The following CARS2 variants were observed in gnomAD, a reference collection of about 807,000 sequenced individuals.
The protein encoded by CARS2 is cysteinyl-tRNA synthetase 2, mitochondrial, also known as probable cysteine--tRNA ligase, mitochondrial.
Under a neutral mutation model 68.8 loss-of-function variants are expected in CARS2, and 52 were observed. The observed-to-expected ratio is 0.76, with a 90% CI of 0.61 to 0.95. CARS2 has a LOEUF of 0.95. Ranked by LOEUF, CARS2 falls within the 40% of genes least tolerant of loss-of-function variation. The pLI is 0.00. For missense variants in CARS2, 780 were observed against 754.2 expected (o/e 1.03, Z -0.40); for synonymous variants, 314 against 303.6 (o/e 1.03, Z -0.36).
At position 110,641,479 on chromosome 13, in the gene CARS2, G is replaced by C; in HGVS notation, c.*58C>G. The C allele has an allele frequency of 7.3e-7, 1 of 1,372,308 alleles. No homozygotes were observed. Among genetic ancestry groups the C allele is most frequent in the Non-Finnish European group, 1.0e-6 (1 of 959,126 alleles). The allele number at this position is 1,372,308 out of a possible 1,614,324, so 85.0% of individuals were successfully genotyped here. Reference sequence around the variant, plus strand: ...ACAGGAAGCTTTAACATAAAGCCTTGACCCTGAGAAGCATGGGTGCGTCTT... The same window carrying C: ...ACAGGAAGCTTTAACATAAAGCCTTCACCCTGAGAAGCATGGGTGCGTCTT... On this transcript the variant is annotated 3_prime_UTR_variant, in exon 15 of 15. Transcript: ENST00000257347.
intron 9 of CARS2, among the ~76,000 whole-genome samples, chr13:110,659,324 A>G (rs899892194): frequency 6.6e-6 from 1 of 152,160 alleles, no homozygotes; most frequent in East Asian, 1.9e-4. Flanking sequence ...TTCCTTGTAA[A>G]CAAAGCTCCC....
intron 13 of CARS2, 62 bp downstream of exon 13, chr13:110,644,323 A>C: frequency 1.3e-6 from 2 of 1,500,878 alleles, no homozygotes; most frequent in Non-Finnish European, 1.9e-6. Flanking sequence ...TAAAAGGGTA[A>C]AGGTTATTGT....
chr13:110,686,808 T>C (rs2063315729), intron 5 of CARS2, among the ~76,000 whole-genome samples: 1 of 152,034 alleles, frequency 6.6e-6, no homozygotes, highest in Non-Finnish European at 1.5e-5. Flanking sequence ...TCCACCCGCT[T>C]CCACCTCCCA....
At chr13:110,707,832 CTAGAG>C (rs1432615779), upstream of CARS2, among the ~76,000 whole-genome samples, 49 of 152,272 alleles carry the variant, frequency 3.2e-4, no homozygotes, top group African/African-American at 1.1e-3. Context: ...AAGTGTGTAC[CTAGAG>C]TAGTTTCTCA....
chr13:110,687,884 C>A, intron 4 of CARS2, 58 bp from the exon 5 acceptor site: 1 of 1,557,978 alleles, frequency 6.4e-7, no homozygotes, highest in Non-Finnish European at 8.8e-7. Flanking sequence ...GGTCAGCCAG[C>A]ACCAGCTGTC....
At chr13:110,683,178 A>G (rs781157612) in intron 5 of CARS2, 44 bp from the exon 6 acceptor site, 22 of 1,322,972 alleles carry the variant, frequency 1.7e-5, no homozygotes, top group Non-Finnish European at 2.2e-5. Flanking sequence ...CTCAGTCTGA[A>G]TATCAGCATA....
intron 1 of CARS2, chr13:110,712,948 G>C: frequency 6.4e-7 from 1 of 1,559,472 alleles, no homozygotes; most frequent in Non-Finnish European, 8.7e-7. Context: ...CGCCTAGGCT[G>C]CTGGGAGTGG....
chr13:110,689,042 C>G (rs2063384167), intron 3 of CARS2: 1 of 154,232 alleles, frequency 6.5e-6, no homozygotes, highest in Non-Finnish European at 1.5e-5. Context: ...TGGAGATAGA[C>G]CATCAAAACA....
At chr13:110,679,597 A>AAGAAAGAGAG (rs1312030282) in intron 6 of CARS2, among the ~76,000 whole-genome samples, 6 of 43,614 alleles carry the variant, frequency 1.4e-4, no homozygotes, top group African/African-American at 2.7e-4. Flanking sequence ...GAAAGAAAGA[A>AAGAAAGAGAG]AGAGAGAGAG....
chr13:110,697,600 A>G (rs1594407592), intron 3 of CARS2, among the ~76,000 whole-genome samples: 1 of 152,260 alleles, frequency 6.6e-6, no homozygotes, highest in East Asian at 1.9e-4. Flanking sequence ...ACACCTCCAC[A>G]CCCAGCTAAT....
At chr13:110,706,135 C>G, upstream of CARS2, 2 of 1,266,436 alleles carry the variant, frequency 1.6e-6, no homozygotes, top group Non-Finnish European at 2.0e-6. Flanking sequence ...ACGGGAGCCA[C>G]GCCGGGTACG....
At chr13:110,677,155 C>T (rs761963870) in intron 6 of CARS2, 52 bp from the exon 7 acceptor site, 18 of 1,539,730 alleles carry the variant, frequency 1.2e-5, no homozygotes, top group Admixed American at 9.2e-5. Flanking sequence ...CACCCCACCA[C>T]GGATGCTCAG....
At chr13:110,681,905 C>T (rs143482836) in intron 6 of CARS2, among the ~76,000 whole-genome samples, 1 of 152,244 alleles carries the variant, frequency 6.6e-6, no homozygotes, top group East Asian at 1.9e-4. Context: ...CAGTGATTTC[C>T]AGGGATGGGA....
intron 3 of CARS2, among the ~76,000 whole-genome samples, chr13:110,693,109 C>CA (rs776745304): frequency 0.11 from 6,412 of 59,142 alleles, 894 homozygotes; most frequent in African/African-American, 0.3. Flanking sequence ...GACTCTGTCT[C>CA]AAAAAAAAAA....
At chr13:110,669,622 T>G (rs1273206911) in intron 7 of CARS2, among the ~76,000 whole-genome samples, 1 of 152,110 alleles carries the variant, frequency 6.6e-6, no homozygotes, top group Non-Finnish European at 1.5e-5. Context: ...TAGGAACAGC[T>G]CCAGTCTACA....
chr13:110,699,165 C>T (rs1270694749), intron 3 of CARS2, among the ~76,000 whole-genome samples: 1 of 152,232 alleles, frequency 6.6e-6, no homozygotes, highest in Non-Finnish European at 1.5e-5. Flanking sequence ...GGTTTCCAGC[C>T]TCCAGCATAG....
chr13:110,647,526 G>A (rs971784499), intron 10 of CARS2, among the ~76,000 whole-genome samples: 1 of 151,964 alleles, frequency 6.6e-6, no homozygotes, highest in Non-Finnish European at 1.5e-5. Context: ...CTGGATGGAG[G>A]TGCGGATGAA....
At chr13:110,701,095 C>T (rs771230640) in intron 3 of CARS2, among the ~76,000 whole-genome samples, 40 of 151,862 alleles carry the variant, frequency 2.6e-4, no homozygotes, top group Middle Eastern at 6.8e-3. Flanking sequence ...GAGACAGAGT[C>T]TCCATGACCC....
intron 14 of CARS2, among the ~76,000 whole-genome samples, chr13:110,642,021 GA>G: frequency 6.6e-6 from 1 of 152,270 alleles, no homozygotes; most frequent in African/African-American, 2.4e-5. Context: ...GACCCACGTG[GA>G]GAAAACCTGT....
Sources: gnomAD v4.1 joint callset for allele counts (sites outside exome capture counted in the v4.1 genomes callset) on GRCh38, gnomAD v4.1.1 for gene constraint, MANE v1.5 for transcripts, NCBI Gene and HGNC (gene_info 2026-07-23, HGNC 2026-07-21) for gene names.